Variants in SPATA16 observed in about 807,000 individuals in gnomAD.
The protein encoded by SPATA16 is spermatogenesis associated 16, also known as spermatogenesis-associated protein 16.
A neutral mutation model predicts 63.3 loss-of-function variants in SPATA16; 36 were observed. The observed-to-expected ratio is 0.57, with a 90% CI of 0.44 to 0.75. SPATA16 has a LOEUF of 0.75. Among genes scored for constraint, SPATA16 ranks in the 30% least tolerant of loss-of-function variants. The pLI is 0.00. For synonymous variants in SPATA16, 203 were observed against 216.7 expected (o/e 0.94, Z 0.56); for missense variants, 646 against 679.3 (o/e 0.95, Z 0.54).
intron 2 of SPATA16, among the ~76,000 whole-genome samples, chr3:173,079,674 C>T (rs1736881849): frequency 6.6e-6 from 1 of 152,138 alleles, no homozygotes; most frequent in Admixed American, 6.6e-5. Context: ...CCAGTTAGCA[C>T]ATATTGAAGT....
intron 2 of SPATA16, among the ~76,000 whole-genome samples, chr3:173,111,783 T>A (rs149770650): frequency 7.7e-4 from 118 of 152,262 alleles, no homozygotes; most frequent in African/African-American, 2.7e-3. Flanking sequence ...GGAAGTAATC[T>A]CATAAGAAGG....
At chr3:172,951,265 T>G (rs1733424292) in intron 6 of SPATA16, among the ~76,000 whole-genome samples, 1 of 152,136 alleles carries the variant, frequency 6.6e-6, no homozygotes, top group Non-Finnish European at 1.5e-5. Flanking sequence ...CTTTAAGATT[T>G]TGATGGGTTT....
chr3:172,976,920 T>C lies in SPATA16; in HGVS notation c.933+48A>G, dbSNP rs772221371. Reference sequence around the variant, plus strand: ...AAGCACCAATCTTTCATTTTGGCTCTAAAAATGAGATGGGTTTCTCCTCCC... The same window carrying C: ...AAGCACCAATCTTTCATTTTGGCTCCAAAAATGAGATGGGTTTCTCCTCCC... On this transcript the variant is annotated intron_variant, in intron 5 of 10. Transcript: ENST00000351008. 5 of 1,516,852 alleles carry C rather than the reference T, an allele frequency of 3.3e-6. No homozygotes were observed. The South Asian group carries it at 5.6e-5, about 17-fold the overall frequency. 94.0% of individuals were successfully genotyped at this position (1,516,852 alleles called of 1,614,324 possible). A position where few individuals can be genotyped will look rare whatever the true frequency, so the allele number is the denominator to read the frequency against.
chr3:173,105,827 T>TCCTG (rs1737610000), intron 2 of SPATA16, among the ~76,000 whole-genome samples: 1 of 150,626 alleles, frequency 6.6e-6, no homozygotes, highest in African/African-American at 2.4e-5. Context: ...CTTCCTTCCT[T>TCCTG]CTTTCCTTTC....
chr3:172,970,346 ATTC>A (rs1734021967), intron 5 of SPATA16, among the ~76,000 whole-genome samples: 1 of 152,116 alleles, frequency 6.6e-6, no homozygotes, highest in African/African-American at 2.4e-5. Flanking sequence ...CCTATATCTT[ATTC>A]TTATAGAATT....
At chr3:172,989,982 C>A (rs1388598531) in intron 4 of SPATA16, among the ~76,000 whole-genome samples, 1 of 152,156 alleles carries the variant, frequency 6.6e-6, no homozygotes, top group African/African-American at 2.4e-5. Flanking sequence ...TTACAGTTAA[C>A]CCTTGAATAT....
chr3:173,119,298 A>T (rs560620511), intron 1 of SPATA16, among the ~76,000 whole-genome samples: 5 of 152,202 alleles, frequency 3.3e-5, no homozygotes, highest in Admixed American at 3.3e-4. Context: ...CGTTCTGCAC[A>T]TGTATCCCAG....
chr3:172,969,211 A>G (rs1733991522), intron 5 of SPATA16, among the ~76,000 whole-genome samples: 1 of 152,212 alleles, frequency 6.6e-6, no homozygotes, highest in South Asian at 2.1e-4. Context: ...AGAAAGGGAC[A>G]GCAATTATTA....
chr3:173,118,986 C>T (rs1317460671), intron 1 of SPATA16, among the ~76,000 whole-genome samples: 1 of 152,150 alleles, frequency 6.6e-6, no homozygotes, highest in Admixed American at 6.5e-5. Flanking sequence ...AGTCACTTCT[C>T]AAAACTTATT....
intron 1 of SPATA16, among the ~76,000 whole-genome samples, chr3:173,135,945 A>C (rs12107461): frequency 0.2 from 30,742 of 152,188 alleles, 4,097 homozygotes; most frequent in African/African-American, 0.37. Context: ...AGTTTACATT[A>C]AGAAAATCAA....
chr3:172,903,010 C>T (rs1367079809), intron 10 of SPATA16, among the ~76,000 whole-genome samples: 2 of 152,144 alleles, frequency 1.3e-5, no homozygotes, highest in Non-Finnish European at 2.9e-5. Context: ...AAGTCAATTG[C>T]TCTGAACTCT....
intron 2 of SPATA16, among the ~76,000 whole-genome samples, chr3:173,100,910 A>G (rs1737477449): frequency 6.6e-6 from 1 of 152,202 alleles, no homozygotes; most frequent in Admixed American, 6.5e-5. Flanking sequence ...ACATGTCAAA[A>G]TATACAAACA....
chr3:172,910,802 C>A (rs1035741740), intron 10 of SPATA16, among the ~76,000 whole-genome samples: 1 of 152,202 alleles, frequency 6.6e-6, no homozygotes, highest in Non-Finnish European at 1.5e-5. Context: ...ATGATTTCAG[C>A]TAATGACAAT....
chr3:173,135,166 A>G (rs1176163996), intron 1 of SPATA16, among the ~76,000 whole-genome samples: 1 of 152,228 alleles, frequency 6.6e-6, no homozygotes, highest in Non-Finnish European at 1.5e-5. Flanking sequence ...TAGACATATC[A>G]CAAAAGATGA....
At chr3:173,006,453 A>G (rs1734947522) in intron 4 of SPATA16, among the ~76,000 whole-genome samples, 1 of 152,238 alleles carries the variant, frequency 6.6e-6, no homozygotes, top group Non-Finnish European at 1.5e-5. Context: ...AACCAAAAAA[A>G]TCTGCGATGT....
rs1560101001 is a variant in SPATA16, at chr3:173,028,018, CCTTCTTTCCTTCCTT to C, written c.759-8458_759-8444del. On this transcript the variant is annotated intron_variant, in intron 3 of 10. Transcript: ENST00000351008. ...CCCTCCCTCCCTCCCTCCCTCCCTT[CCTTCTTTCCTTCCTT>C]CCTTCCTTCCTTCCTTCCTTCCTTC... Among the ~76,000 whole-genome samples the C allele has an allele frequency of 2.1e-3, 133 of 63,176 alleles. 3 individuals carry two copies. The highest frequency in any genetic ancestry group is 0.011 in the African/African-American group (120 of 10,862). The allele number at this position is 63,176 out of a possible 152,430, so 41.4% of individuals were successfully genotyped here. A position where few individuals can be genotyped will look rare whatever the true frequency, so the allele number is the denominator to read the frequency against.
At chr3:173,088,030 CTT>C (rs1429596117) in intron 2 of SPATA16, among the ~76,000 whole-genome samples, 24 of 130,252 alleles carry the variant, frequency 1.8e-4, no homozygotes, top group African/African-American at 6.9e-4. Flanking sequence ...TTCTTTCTTT[CTT>C]TCTTTCTTTC....
At chr3:173,079,883 A>T (rs917114567) in intron 2 of SPATA16, among the ~76,000 whole-genome samples, 3 of 152,122 alleles carry the variant, frequency 2.0e-5, no homozygotes, top group Non-Finnish European at 4.4e-5. Context: ...ATGTGGAATT[A>T]TTAGTGAGGA....
At chr3:173,000,378 C>G (rs1362514079) in intron 4 of SPATA16, among the ~76,000 whole-genome samples, 14 of 152,182 alleles carry the variant, frequency 9.2e-5, no homozygotes, top group Admixed American at 9.2e-4. Context: ...TCTCTCAATA[C>G]TTTAAATATT....
Sources: allele counts gnomAD v4.1 joint callset (sites outside exome capture counted in the v4.1 genomes callset), GRCh38; gene constraint gnomAD v4.1.1; transcripts MANE v1.5; gene names NCBI Gene and HGNC (gene_info 2026-07-23, HGNC 2026-07-21).